NPAS3: variants seen among roughly 807,000 people sequenced by gnomAD.
NPAS3 encodes the protein neuronal PAS domain-containing protein 3.
In NPAS3, 14 loss-of-function variants were observed where a neutral mutation model predicts 73.1. The observed-to-expected ratio is 0.19, with a 90% CI of 0.13 to 0.30. NPAS3 has a LOEUF of 0.30. NPAS3 is among the 10% of genes least tolerant of loss of function. NPAS3 has a pLI of 1.00. For missense variants in NPAS3, 1,096 were observed against 1,250.0 expected (o/e 0.88, Z 1.86); for synonymous variants, 620 against 541.5 (o/e 1.14, Z -2.01).
chr14:33,158,483 CAAG>C (rs961376868), intron 2 of NPAS3, among the ~76,000 whole-genome samples: 2 of 151,836 alleles, frequency 1.3e-5, no homozygotes, highest in South Asian at 2.1e-4. Flanking sequence ...GTGGGGCAGA[CAAG>C]AAATTTGTAA....
At chr14:33,161,924 T>C (rs1337578537) in intron 2 of NPAS3, among the ~76,000 whole-genome samples, 2 of 152,298 alleles carry the variant, frequency 1.3e-5, no homozygotes, top group South Asian at 2.1e-4. Flanking sequence ...ACCTGAGCCA[T>C]GAAGGCTGAG....
chr14:32,939,271 G>T (rs371624512), upstream of NPAS3: 35 of 710,748 alleles, frequency 4.9e-5, no homozygotes, highest in African/African-American at 1.5e-4. Context: ...CACCCGGGAG[G>T]GGGGAGAGAG....
intron 2 of NPAS3, among the ~76,000 whole-genome samples, chr14:33,197,886 G>A (rs1005237714): frequency 3.9e-5 from 6 of 152,328 alleles, no homozygotes; most frequent in East Asian, 1.9e-4. Flanking sequence ...GCGGACCCTC[G>A]CGGTGAGTGT....
intron 3 of NPAS3, among the ~76,000 whole-genome samples, chr14:33,250,094 G>A (rs1462345147): frequency 2.0e-5 from 3 of 152,072 alleles, no homozygotes; most frequent in African/African-American, 7.2e-5. Context: ...CAGGAACTTT[G>A]CAGTTACATC....
intron 6 of NPAS3, among the ~76,000 whole-genome samples, chr14:33,702,554 A>C (rs2060550451): frequency 6.6e-6 from 1 of 152,272 alleles, no homozygotes; most frequent in African/African-American, 2.4e-5. Flanking sequence ...CTCTGAATCC[A>C]GAGACCTGTT....
At chr14:33,498,016 C>A (rs2139878530) in intron 4 of NPAS3, among the ~76,000 whole-genome samples, 1 of 152,190 alleles carries the variant, frequency 6.6e-6, no homozygotes, top group South Asian at 2.1e-4. Context: ...ACAACCCCAT[C>A]AAAAAGTAGG....
At chr14:33,646,798 A>G (rs1289487356) in intron 5 of NPAS3, among the ~76,000 whole-genome samples, 2 of 152,202 alleles carry the variant, frequency 1.3e-5, no homozygotes, top group Non-Finnish European at 2.9e-5. Context: ...CTCACACGTT[A>G]GCAATTCTTC....
At chr14:33,773,428 G>T (rs2062716211) in intron 7 of NPAS3, among the ~76,000 whole-genome samples, 1 of 152,098 alleles carries the variant, frequency 6.6e-6, no homozygotes, top group Non-Finnish European at 1.5e-5. Flanking sequence ...CCCCCACCCA[G>T]CCCTTCCTTC....
At chr14:33,466,687 C>T (rs7359051) in intron 4 of NPAS3, among the ~76,000 whole-genome samples, 4,073 of 152,136 alleles carry the variant, frequency 0.027, 168 homozygotes, top group African/African-American at 0.089. Flanking sequence ...TGGTGGAAGG[C>T]AAAGAGGGAG....
At chr14:33,282,031 A>G (rs1448872982) in intron 3 of NPAS3, among the ~76,000 whole-genome samples, 1 of 152,192 alleles carries the variant, frequency 6.6e-6, no homozygotes, top group African/African-American at 2.4e-5. Context: ...AAGTGTCCCC[A>G]GTAGCTGTAT....
At chr14:33,334,555 G>A (rs2044128713) in intron 3 of NPAS3, among the ~76,000 whole-genome samples, 1 of 152,102 alleles carries the variant, frequency 6.6e-6, no homozygotes, top group South Asian at 2.1e-4. Context: ...TTATATGTCT[G>A]CATGTTGGGG....
intron 2 of NPAS3, among the ~76,000 whole-genome samples, chr14:33,208,374 A>T (rs1486812320): frequency 1.3e-5 from 2 of 152,204 alleles, no homozygotes; most frequent in Admixed American, 1.3e-4. Flanking sequence ...GTTAAGAATG[A>T]AAATGCTCAT....
At chr14:33,793,445 A>C (rs2063422215) in intron 9 of NPAS3, among the ~76,000 whole-genome samples, 1 of 152,220 alleles carries the variant, frequency 6.6e-6, no homozygotes, top group Admixed American at 6.5e-5. Context: ...CACGGAGGAG[A>C]AACGATCAAA....
chr14:32,951,217 C>T (rs1224017625), intron 1 of NPAS3, among the ~76,000 whole-genome samples: 3 of 151,822 alleles, frequency 2.0e-5, no homozygotes, highest in African/African-American at 4.8e-5. Flanking sequence ...ATACCTACTT[C>T]CAGCTGCAAA....
chr14:33,539,123 G>A (rs984386981), intron 4 of NPAS3, among the ~76,000 whole-genome samples: 1 of 152,062 alleles, frequency 6.6e-6, no homozygotes, highest in African/African-American at 2.4e-5. Context: ...AGAAGATTGT[G>A]TAGGGGAAGG....
At chr14:33,186,865 C>A (rs892599026) in intron 2 of NPAS3, among the ~76,000 whole-genome samples, 5 of 152,124 alleles carry the variant, frequency 3.3e-5, no homozygotes, top group African/African-American at 1.2e-4. Flanking sequence ...ATCTCTGGAG[C>A]CATTTTTGGC....
intron 4 of NPAS3, among the ~76,000 whole-genome samples, chr14:33,548,455 C>A (rs1566992841): frequency 6.6e-6 from 1 of 152,066 alleles, no homozygotes; most frequent in Non-Finnish European, 1.5e-5. Flanking sequence ...TCAATATGAC[C>A]AACTCCAGAT....
At chr14:33,089,850 T>G (rs536109618) in intron 2 of NPAS3, among the ~76,000 whole-genome samples, 11 of 152,274 alleles carry the variant, frequency 7.2e-5, no homozygotes, top group Middle Eastern at 3.4e-3. Flanking sequence ...TATTCAACAT[T>G]CTTAAAGAAA....
intron 4 of NPAS3, among the ~76,000 whole-genome samples, chr14:33,444,060 G>T (rs1431980755): frequency 6.6e-6 from 1 of 152,200 alleles, no homozygotes; most frequent in Non-Finnish European, 1.5e-5. Flanking sequence ...TTTAGTAGAA[G>T]AAATTTACAC....
Sources: gnomAD v4.1 joint callset for allele counts (sites outside exome capture counted in the v4.1 genomes callset) on GRCh38, gnomAD v4.1.1 for gene constraint, MANE v1.5 for transcripts, NCBI Gene and HGNC (gene_info 2026-07-23, HGNC 2026-07-21) for gene names.